SETBP1: variants seen among roughly 807,000 people sequenced by gnomAD.
The protein encoded by SETBP1 is SET binding protein 1.
A neutral mutation model predicts 101.0 loss-of-function variants in SETBP1; 9 were observed. The ratio of observed to expected loss-of-function variants is 0.09; its 90% CI spans 0.05 to 0.16. The LOEUF (loss-of-function observed/expected upper bound fraction) is 0.16, where lower values mean the gene tolerates loss of function less well. Among genes scored for constraint, SETBP1 ranks in the 10% least tolerant of loss-of-function variants. The pLI, the probability that SETBP1 is intolerant of heterozygous loss-of-function variation, is 1.00. For missense variants in SETBP1, 1,858 were observed against 2,033.8 expected (o/e 0.91, Z 1.66); for synonymous variants, 818 against 788.5 (o/e 1.04, Z -0.63).
intron 3 of SETBP1, among the ~76,000 whole-genome samples, chr18:44,943,939 A>G (rs921035044): frequency 6.6e-6 from 1 of 150,622 alleles, no homozygotes; most frequent in Non-Finnish European, 1.5e-5. Flanking sequence ...GGTTCAAGTG[A>G]TTCTACTGCC....
chr18:44,804,825 A>G (rs920340722), intron 2 of SETBP1, among the ~76,000 whole-genome samples: 2 of 152,104 alleles, frequency 1.3e-5, no homozygotes, highest in African/African-American at 4.8e-5. Flanking sequence ...TAGAGCTTGC[A>G]TCGTTTCTTA....
At chr18:44,890,944 A>C (rs948191971) in intron 3 of SETBP1, among the ~76,000 whole-genome samples, 2 of 152,122 alleles carry the variant, frequency 1.3e-5, no homozygotes, top group Non-Finnish European at 2.9e-5. Context: ...AACATTTGAC[A>C]AGGAAGGGGT....
chr18:45,026,377 G>C (rs1329993125), intron 4 of SETBP1, among the ~76,000 whole-genome samples: 4 of 152,104 alleles, frequency 2.6e-5, no homozygotes, highest in African/African-American at 9.7e-5. Context: ...TCATGCCTCT[G>C]CCACCCTCTG....
At chr18:44,705,134 A>G (rs1229644961) in intron 2 of SETBP1, among the ~76,000 whole-genome samples, 3 of 152,170 alleles carry the variant, frequency 2.0e-5, no homozygotes, top group African/African-American at 7.2e-5. Context: ...CTGTTTTTGT[A>G]TTGCCCCTGA....
At chr18:44,683,455 A>G (rs1387877697) in intron 1 of SETBP1, among the ~76,000 whole-genome samples, 1 of 152,216 alleles carries the variant, frequency 6.6e-6, no homozygotes, top group Admixed American at 6.5e-5. Flanking sequence ...GAAGAAATAA[A>G]TAGGTAGGTA....
intron 2 of SETBP1, among the ~76,000 whole-genome samples, chr18:44,807,576 A>G (rs1421139041): frequency 1.3e-5 from 2 of 152,184 alleles, no homozygotes; most frequent in African/African-American, 2.4e-5. Flanking sequence ...AATGGAAATG[A>G]TATAGAATTC....
rs551652710 is a variant in SETBP1 at position 44,974,489 on chromosome 18, C to A, written c.4000+21149C>A. Among the ~76,000 whole-genome samples the A allele has an allele frequency of 3.9e-5, 6 of 152,274 alleles. No individual in the cohort carries two copies. In the South Asian group the frequency reaches 6.2e-4, roughly 16 times the overall value. ...GGAGGAGTCTAGGATTATTCACCCT[C>A]ACCTGCTATGGTGTTTTCACTGCAT... On this transcript the variant is annotated intron_variant, in intron 4 of 5. Transcript: ENST00000649279.
At chr18:44,719,867 G>A (rs1326514663) in intron 2 of SETBP1, among the ~76,000 whole-genome samples, 2 of 152,206 alleles carry the variant, frequency 1.3e-5, no homozygotes, top group East Asian at 3.8e-4. Flanking sequence ...TCCAGCTGTG[G>A]GGGTCAGAGG....
intron 2 of SETBP1, among the ~76,000 whole-genome samples, chr18:44,850,667 G>A (rs376721197): frequency 9.2e-5 from 14 of 152,064 alleles, no homozygotes; most frequent in African/African-American, 2.7e-4. Context: ...CACAGCACCC[G>A]GCACCAGATG....
intron 4 of SETBP1, among the ~76,000 whole-genome samples, chr18:45,020,258 T>TAAAAAAAAAAAAAAAA (rs57134217): frequency 3.8e-5 from 2 of 53,086 alleles, no homozygotes; most frequent in Non-Finnish European, 6.9e-5. Flanking sequence ...GACTCTGTCT[T>TAAAAAAAAAAAAAAAA]AAAAAAAAAA....
intron 4 of SETBP1, among the ~76,000 whole-genome samples, chr18:45,009,356 C>T (rs1037092463): frequency 1.3e-5 from 2 of 150,554 alleles, no homozygotes; most frequent in Non-Finnish European, 3.0e-5. Flanking sequence ...AAGCATGGAG[C>T]GGAGCTGCGT....
At chr18:44,768,912 C>A (rs1326881627) in intron 2 of SETBP1, among the ~76,000 whole-genome samples, 1 of 152,230 alleles carries the variant, frequency 6.6e-6, no homozygotes, top group African/African-American at 2.4e-5. Flanking sequence ...GGCAGATAGA[C>A]TCTTTTGTCT....
At chr18:44,920,674 T>A (rs16978230) in intron 3 of SETBP1, among the ~76,000 whole-genome samples, 5,374 of 152,260 alleles carry the variant, frequency 0.035, 294 homozygotes, top group African/African-American at 0.12. Flanking sequence ...TTGTCCACTG[T>A]GGTTTCAGCC....
intron 2 of SETBP1, among the ~76,000 whole-genome samples, chr18:44,867,046 G>A (rs1043248425): frequency 6.6e-6 from 1 of 152,176 alleles, no homozygotes; most frequent in Admixed American, 6.5e-5. Context: ...GGAAAATATA[G>A]TTGGGGATTT....
At chr18:44,713,375 T>G (rs1310641973) in intron 2 of SETBP1, among the ~76,000 whole-genome samples, 2 of 152,170 alleles carry the variant, frequency 1.3e-5, no homozygotes, top group African/African-American at 4.8e-5. Flanking sequence ...CAGCCCTTGT[T>G]TCAGAAAGCT....
At chr18:44,836,118 G>GC in intron 2 of SETBP1, among the ~76,000 whole-genome samples, 1 of 44,268 alleles carries the variant, frequency 2.3e-5, no homozygotes. Context: ...CTCTCTATAA[G>GC]CTTTTTTTTT....
chr18:44,741,921 T>C (rs538029966), intron 2 of SETBP1, among the ~76,000 whole-genome samples: 3 of 152,314 alleles, frequency 2.0e-5, no homozygotes, highest in Non-Finnish European at 2.9e-5. Flanking sequence ...TTCTGTCTGC[T>C]GCTACTCAGC....
intron 4 of SETBP1, among the ~76,000 whole-genome samples, chr18:44,981,457 C>T (rs183661406): frequency 2.1e-4 from 32 of 152,362 alleles, no homozygotes; most frequent in African/African-American, 7.2e-4. Flanking sequence ...ACCAGCAAAC[C>T]TGCTTATTTA....
intron 2 of SETBP1, among the ~76,000 whole-genome samples, chr18:44,754,462 T>C (rs545357719): frequency 2.6e-5 from 4 of 152,358 alleles, no homozygotes; most frequent in South Asian, 2.1e-4. Flanking sequence ...TCATTTTGGT[T>C]ATTTCTATTT....
Sources: allele counts gnomAD v4.1 joint callset (sites outside exome capture counted in the v4.1 genomes callset), GRCh38; gene constraint gnomAD v4.1.1; transcripts MANE v1.5; gene names NCBI Gene and HGNC (gene_info 2026-07-23, HGNC 2026-07-21).